The following DNER variants were observed in gnomAD, a reference collection of about 807,000 sequenced individuals.
DNER encodes the protein delta/notch like EGF repeat containing, also known as delta and Notch-like epidermal growth factor-related receptor.
In DNER, 33 loss-of-function variants were observed where a neutral mutation model predicts 78.2. The ratio of observed to expected loss-of-function variants is 0.42; its 90% confidence interval spans 0.32 to 0.56. DNER has a LOEUF of 0.56. DNER is among the 20% of genes least tolerant of loss of function. The pLI is 0.11. For synonymous variants in DNER, 417 were observed against 384.8 expected (o/e 1.08, Z -0.98); for missense variants, 918 against 975.3 (o/e 0.94, Z 0.78).
intron 4 of DNER, among the ~76,000 whole-genome samples, chr2:229,578,072 C>G (rs996683700): frequency 6.6e-6 from 1 of 152,166 alleles, no homozygotes; most frequent in Non-Finnish European, 1.5e-5. Flanking sequence ...AAAAGAGACA[C>G]GCAGACCCTC....
chr2:229,471,778 T>C (rs1410655309), intron 7 of DNER, among the ~76,000 whole-genome samples: 6 of 152,208 alleles, frequency 3.9e-5, no homozygotes. Flanking sequence ...ACTTTAAACA[T>C]GTAAACGAGT....
At chr2:229,567,146 T>C (rs1467802049) in intron 4 of DNER, among the ~76,000 whole-genome samples, 3 of 152,250 alleles carry the variant, frequency 2.0e-5, no homozygotes, top group African/African-American at 7.2e-5. Flanking sequence ...GCCTAGTTAA[T>C]ATCTCAGCCT....
At chr2:229,636,289 C>A (rs1336996521) in intron 1 of DNER, among the ~76,000 whole-genome samples, 3 of 152,208 alleles carry the variant, frequency 2.0e-5, no homozygotes, top group South Asian at 2.1e-4. Flanking sequence ...GTCAGAAGCA[C>A]CCCTGTGCTC....
At chr2:229,615,666 C>T (rs895059761) in intron 1 of DNER, among the ~76,000 whole-genome samples, 69 of 152,012 alleles carry the variant, frequency 4.5e-4, no homozygotes, top group African/African-American at 1.4e-3. Context: ...GAGCAGAGAC[C>T]GTGCCACTGC....
At chr2:229,664,548 T>A (rs1365393630) in intron 1 of DNER, among the ~76,000 whole-genome samples, 9 of 152,106 alleles carry the variant, frequency 5.9e-5, no homozygotes, top group Non-Finnish European at 1.2e-4. Context: ...AGAACTGATG[T>A]TGGCAGATAA....
intron 1 of DNER, among the ~76,000 whole-genome samples, chr2:229,610,493 A>G (rs1223537155): frequency 6.6e-6 from 1 of 152,184 alleles, no homozygotes; most frequent in African/African-American, 2.4e-5. Flanking sequence ...TGGGAACACC[A>G]TCATTGGGTT....
intron 1 of DNER, among the ~76,000 whole-genome samples, chr2:229,603,818 G>A (rs1054976459): frequency 6.6e-6 from 1 of 151,946 alleles, no homozygotes; most frequent in African/African-American, 2.4e-5. Flanking sequence ...TTGGAAAATT[G>A]TTTTTAAAAC....
intron 8 of DNER, among the ~76,000 whole-genome samples, chr2:229,426,398 G>A (rs1015159956): frequency 7.5e-5 from 10 of 133,312 alleles, no homozygotes; most frequent in African/African-American, 1.2e-4. Flanking sequence ...CCAAGATTGC[G>A]CCACTGCACT....
chr2:229,639,173 A>G (rs1373734951), intron 1 of DNER, among the ~76,000 whole-genome samples: 8 of 152,232 alleles, frequency 5.3e-5, no homozygotes, highest in Non-Finnish European at 1.2e-4. Context: ...AAGCTATGGG[A>G]AACCAGCTTT....
intron 6 of DNER, among the ~76,000 whole-genome samples, chr2:229,485,090 C>G (rs909607562): frequency 6.6e-6 from 1 of 152,220 alleles, no homozygotes; most frequent in Non-Finnish European, 1.5e-5. Context: ...ATACTGACCT[C>G]TCCTTTCAGG....
Position 229,665,447 on chromosome 2 carries a change from G to C in DNER, c.276+48701C>G, listed in dbSNP as rs949682815. ...AAATGGGCAAGCAACCAAAAACAGG[G>C]ATTTAAAACAGTCTAATAACTCTAA... On this transcript the variant is annotated intron_variant, in intron 1 of 12. Transcript: ENST00000341772. Among the ~76,000 whole-genome samples the C allele has an allele frequency of 3.3e-5, 5 of 151,814 alleles. No homozygotes were observed. The East Asian group carries it at 9.6e-4, about 29-fold the overall frequency.
rs74984664 is a variant in DNER, at chr2:229,681,777, A to G, written c.276+32371T>C. ...ATCCTCACCCCAAAATCTCATTCAA[A>G]TTCAGTGGAGTTCATTTAATAGGTT... On this transcript the variant is annotated intron_variant, in intron 1 of 12. Transcript: ENST00000341772. Among the ~76,000 whole-genome samples, 787 of 151,592 alleles carry G rather than the reference A, an allele frequency of 5.2e-3. 6 individuals carry two copies. The highest frequency in any genetic ancestry group is 0.017 in the African/African-American group (724 of 41,374).
chr2:229,508,164 A>G (rs561739819), intron 6 of DNER, among the ~76,000 whole-genome samples: 30 of 152,334 alleles, frequency 2.0e-4, no homozygotes, highest in Admixed American at 7.8e-4. Flanking sequence ...GAACTCTGAC[A>G]CTACCAAATG....
chr2:229,509,065 GT>G (rs1250581817), intron 6 of DNER, among the ~76,000 whole-genome samples: 1 of 152,192 alleles, frequency 6.6e-6, no homozygotes, highest in East Asian at 1.9e-4. Context: ...TTTGGTGGTG[GT>G]TTCACTGGTG....
chr2:229,536,020 T>A (rs947161639), intron 5 of DNER, among the ~76,000 whole-genome samples: 7 of 152,212 alleles, frequency 4.6e-5, no homozygotes, highest in Middle Eastern at 3.2e-3. Context: ...AAAGGTCTAA[T>A]CTCATCAGAC....
intron 8 of DNER, among the ~76,000 whole-genome samples, chr2:229,446,141 G>C (rs1162402048): frequency 1.3e-5 from 2 of 152,168 alleles, no homozygotes; most frequent in Non-Finnish European, 2.9e-5. Flanking sequence ...AACCTCTAGA[G>C]GCATTTCAAA....
At chr2:229,361,958 T>G (rs1479976342) in intron 12 of DNER, among the ~76,000 whole-genome samples, 1 of 152,142 alleles carries the variant, frequency 6.6e-6, no homozygotes, top group Non-Finnish European at 1.5e-5. Flanking sequence ...TGTTCCCACC[T>G]GAAGTAGCTC....
At chr2:229,438,687 A>G (rs927501883) in intron 8 of DNER, among the ~76,000 whole-genome samples, 3 of 152,174 alleles carry the variant, frequency 2.0e-5, no homozygotes, top group Admixed American at 1.3e-4. Context: ...CCAATTTAAT[A>G]TATTAATTTG....
At chr2:229,489,790 G>C (rs989770163) in intron 6 of DNER, among the ~76,000 whole-genome samples, 1 of 152,112 alleles carries the variant, frequency 6.6e-6, no homozygotes, top group Non-Finnish European at 1.5e-5. Flanking sequence ...AGGTGAGAAG[G>C]CTTCTGAAAA....
Sources: gnomAD v4.1 joint callset for allele counts (sites outside exome capture counted in the v4.1 genomes callset) on GRCh38, gnomAD v4.1.1 for gene constraint, MANE v1.5 for transcripts, NCBI Gene and HGNC (gene_info 2026-07-23, HGNC 2026-07-21) for gene names.